SLC17A3: variants seen among roughly 807,000 people sequenced by gnomAD.
SLC17A3 encodes solute carrier family 17 member 3.
SLC17A3 carries 61 observed loss-of-function variants against 60.3 expected under a neutral mutation model. The ratio of observed to expected loss-of-function variants is 1.01; its 90% CI spans 0.82 to 1.25. SLC17A3 has a LOEUF of 1.25. Ranked by LOEUF, SLC17A3 falls within the 50% of genes most tolerant of loss-of-function variation. SLC17A3 has a pLI of 0.00. For missense variants in SLC17A3, 624 were observed against 594.9 expected (o/e 1.05, Z -0.51); for synonymous variants, 192 against 208.9 (o/e 0.92, Z 0.70).
At chr6:25,865,956 A>C (rs902358509) in intron 2 of SLC17A3, among the ~76,000 whole-genome samples, 36 of 152,022 alleles carry the variant, frequency 2.4e-4, no homozygotes, top group African/African-American at 8.2e-4. Context: ...GGTTATATTA[A>C]TGAATTCAGT....
intron 11 of SLC17A3, among the ~76,000 whole-genome samples, chr6:25,848,579 C>T (rs1765217448): frequency 6.6e-6 from 1 of 152,142 alleles, no homozygotes; most frequent in Non-Finnish European, 1.5e-5. Context: ...TCTCATCTCT[C>T]ACCTTATACA....
In SLC17A3 at chr6:25,850,799, G is replaced by A; in HGVS notation, c.791C>T (p.Thr264Ile). The A allele has an allele frequency of 6.2e-7, 1 of 1,614,004 alleles. No homozygotes were observed. The highest frequency in any genetic ancestry group is 8.5e-7 in the Non-Finnish European group (1 of 1,179,916). The part of the protein sequence containing the change: ...DDPVSYPWIS[T>I]SEKEYIISSL... ...GGATATGATGTATTCTTTTTCTGAGGTGCTTATCCATGGATAGGAAACGGG... is the reference window on the plus strand; with the variant it reads ...GGATATGATGTATTCTTTTTCTGAGATGCTTATCCATGGATAGGAAACGGG... Residue 264 changes from threonine (T) to isoleucine (I), a missense_variant, in exon 7 of 13, where the codon ACC (threonine) becomes ATC (isoleucine). Coordinates refer to ENST00000397060, the MANE Select transcript of SLC17A3 (RefSeq NM_001098486.2).
At chr6:25,864,727 C>T (rs1186473523) in intron 2 of SLC17A3, among the ~76,000 whole-genome samples, 1 of 151,900 alleles carries the variant, frequency 6.6e-6, no homozygotes, top group Non-Finnish European at 1.5e-5. Flanking sequence ...AGATGTTGAG[C>T]ATGTTGGATA....
At chr6:25,861,507 A>C (rs1765445217) in intron 5 of SLC17A3, 117 bp downstream of exon 5, 1 of 846,824 alleles carries the variant, frequency 1.2e-6, no homozygotes, top group South Asian at 1.4e-5. Flanking sequence ...TTTTTAATTT[A>C]AAAATACTTC....
intron 6 of SLC17A3, among the ~76,000 whole-genome samples, chr6:25,854,398 A>G (rs1215584951): frequency 6.6e-6 from 1 of 151,538 alleles, no homozygotes; most frequent in East Asian, 1.9e-4. Flanking sequence ...AGCCATTCTT[A>G]TCTGATATTA....
intron 5 of SLC17A3, among the ~76,000 whole-genome samples, chr6:25,861,110 A>C (rs1765438817): frequency 6.6e-6 from 1 of 152,118 alleles, no homozygotes; most frequent in Admixed American, 6.6e-5. Flanking sequence ...CCCCAGTATA[A>C]CTTAGACTTC....
rs769019128 is a variant in SLC17A3 at position 25,845,464 on chromosome 6, A to T, written c.1415T>A (p.Leu472Gln). The T allele has an allele frequency of 6.2e-7, 1 of 1,614,084 alleles. No homozygotes were observed. Among genetic ancestry groups the T allele is most frequent in the South Asian group, 1.1e-5 (1 of 91,084 alleles). ...TATGAGGTAGAAGAGTAGTCCTAAC[A>T]GGTTAACGGCAAACAGCAAGAAGAA... Reference protein sequence around the residue: ...NVFFLLFAVNLLGLLFYLIFG... With the variant: ...NVFFLLFAVNQLGLLFYLIFG... The change falls in exon 12 of 13, where the codon CTG (leucine) becomes CAG (glutamine). Residue 472 changes from leucine (L) to glutamine (Q), a missense_variant. Transcript: ENST00000397060.
chr6:25,852,120 T>C (rs1208164406), intron 6 of SLC17A3, among the ~76,000 whole-genome samples: 1 of 152,164 alleles, frequency 6.6e-6, no homozygotes, highest in Non-Finnish European at 1.5e-5. Flanking sequence ...TTTTTGTTTC[T>C]GTTTCGGTTT....
chr6:25,867,226 G>A (rs145612607), intron 2 of SLC17A3, among the ~76,000 whole-genome samples: 1,679 of 152,032 alleles, frequency 0.011, 19 homozygotes, highest in Admixed American at 0.028. Context: ...CTAATTCCAT[G>A]TGGTTCTAGT....
intron 5 of SLC17A3, among the ~76,000 whole-genome samples, chr6:25,857,840 G>C (rs946000981): frequency 6.6e-6 from 1 of 152,054 alleles, no homozygotes; most frequent in Non-Finnish European, 1.5e-5. Context: ...TGGGGGACAG[G>C]TTCCTGCATT....
intron 2 of SLC17A3, among the ~76,000 whole-genome samples, chr6:25,864,471 G>T (rs528361683): frequency 1.2e-4 from 19 of 152,120 alleles, no homozygotes; most frequent in African/African-American, 3.9e-4. Context: ...CAGTAGCTAA[G>T]ATGTGGTCAG....
At chr6:25,859,843 T>C (rs930415861) in intron 5 of SLC17A3, among the ~76,000 whole-genome samples, 3 of 152,134 alleles carry the variant, frequency 2.0e-5, no homozygotes, top group African/African-American at 4.8e-5. Context: ...CTATCTCACA[T>C]GGGATAACAT....
In SLC17A3 at chr6:25,849,414, G is replaced by A. The variant is rs1347548292; in HGVS notation, c.1322C>T (p.Pro441Leu). The A allele has an allele frequency of 6.2e-7, 1 of 1,612,998 alleles. No homozygotes were observed. The highest frequency in any genetic ancestry group is 2.2e-5 in the East Asian group (1 of 44,858). The part of the protein sequence containing the change: ...GASRGFSSIA[P>L]VIVPTVSGFL... ...TCCACTGACAGTGGGTACAATGACA[G>A]GTGCTATGCTCGAAAATCCTCTTGA... The change falls in exon 11 of 13, where the codon CCT becomes CTT. Residue 441 changes from proline (P) to leucine (L), a missense_variant. Physicochemically the swap from Pro to Leu is moderately conservative, Grantham distance 98. Transcript: ENST00000397060.
At chr6:25,861,261 T>A (rs897396166) in intron 5 of SLC17A3, among the ~76,000 whole-genome samples, 3 of 151,988 alleles carry the variant, frequency 2.0e-5, no homozygotes, top group African/African-American at 7.3e-5. Context: ...CTCCCAAATG[T>A]CAGGAATTAA....
intron 2 of SLC17A3, among the ~76,000 whole-genome samples, chr6:25,867,642 T>C (rs991324076): frequency 3.3e-5 from 5 of 151,946 alleles, no homozygotes; most frequent in African/African-American, 1.2e-4. Context: ...AAGAAAACCC[T>C]ACAAATTAAA....
intron 6 of SLC17A3, among the ~76,000 whole-genome samples, chr6:25,853,334 T>C (rs1255724781): frequency 6.6e-6 from 1 of 151,868 alleles, no homozygotes; most frequent in Non-Finnish European, 1.5e-5. Context: ...TCAATGCTAT[T>C]GATCTTTTCA....
intron 1 of SLC17A3, among the ~76,000 whole-genome samples, chr6:25,868,823 C>T (rs1765583402): frequency 6.6e-6 from 1 of 151,958 alleles, no homozygotes; most frequent in Non-Finnish European, 1.5e-5. Flanking sequence ...GCCTAGAACA[C>T]TGCCAGACAC....
intron 5 of SLC17A3, among the ~76,000 whole-genome samples, chr6:25,859,453 T>A (rs1452065090): frequency 1.3e-5 from 2 of 152,172 alleles, no homozygotes; most frequent in African/African-American, 4.8e-5. Flanking sequence ...TGAGCTTATT[T>A]TCCCCCCTAA....
chr6:25,851,351 CATGTCTTTTTATTATCCTAACA>C (rs1474143727), intron 6 of SLC17A3, among the ~76,000 whole-genome samples: 1 of 151,716 alleles, frequency 6.6e-6, no homozygotes, highest in Non-Finnish European at 1.5e-5. Flanking sequence ...CTGGGATCAG[CATGTCTTTTTATTATCCTAACA>C]ATGCCTTTTG....
Sources: allele counts gnomAD v4.1 joint callset (sites outside exome capture counted in the v4.1 genomes callset), GRCh38; gene constraint gnomAD v4.1.1; transcripts MANE v1.5; gene names NCBI Gene and HGNC (gene_info 2026-07-23, HGNC 2026-07-21).